VILL: variants seen among roughly 807,000 people sequenced by gnomAD.
The protein encoded by VILL is villin-like protein.
A neutral mutation model predicts 106.3 loss-of-function variants in VILL; 102 were observed. That is an observed-to-expected ratio of 0.96 (90% confidence interval 0.82 to 1.13). VILL has a LOEUF of 1.13. VILL is among the 50% of genes most tolerant of loss of function. The pLI is 0.00. For synonymous variants in VILL, 431 were observed against 440.3 expected (o/e 0.98, Z 0.27); for missense variants, 1,076 against 1,116.6 (o/e 0.96, Z 0.52).
In VILL at chr3:37,994,417, C is replaced by G; in HGVS notation, c.292C>G (p.Gln98Glu). The stretch of plus-strand genomic sequence containing the variant: ...CCAGACCGTGCTGCACCGCGAGGCG[C>G]AGGGCCACGAGTCCGACTGCTTCTG... The part of the protein sequence containing the change: ...GGQTVLHREA[Q>E]GHESDCFCSY... The change falls in exon 4 of 20, where the codon CAG (glutamine) becomes GAG (glutamate). Residue 98 changes from glutamine to glutamate, a missense_variant. Gln to Glu is a conservative substitution (Grantham distance 29). Coordinates refer to ENST00000383759, the MANE Select transcript of VILL (RefSeq NM_015873.4). The G allele has an allele frequency of 1.9e-6, 3 of 1,612,678 alleles. 1 individual carries two copies. Among genetic ancestry groups the G allele is most frequent in the South Asian group, 2.2e-5 (2 of 91,064 alleles).
chr3:38,005,642 T>TG (rs1699903000), intron 16 of VILL, 150 bp from the exon 17 acceptor site: 1 of 750,654 alleles, frequency 1.3e-6, no homozygotes. Flanking sequence ...CACGGGTGTG[T>TG]GGGTACAGCC....
intron 14 of VILL, chr3:38,002,781 G>A: frequency 1.6e-6 from 1 of 635,876 alleles, no homozygotes; most frequent in South Asian, 2.2e-5. Context: ...CCGCAGGTCA[G>A]AGCCAGGCCC....
rs773491575 is a variant in VILL at position 37,993,886 on chromosome 3, C to A, written c.61-12C>A. ...GCCTCCTGAGTTGTTACAGGGAACTCTCCTCTCCCAGAACCGGAAGATGGT... is the reference window on the plus strand; with the variant it reads ...GCCTCCTGAGTTGTTACAGGGAACTATCCTCTCCCAGAACCGGAAGATGGT... On this transcript the variant is annotated splice_polypyrimidine_tract_variant and intron_variant, in intron 2 of 19. Transcript: ENST00000383759. 91 of 1,614,070 alleles carry A rather than the reference C, an allele frequency of 5.6e-5. No individual in the cohort carries two copies. Among genetic ancestry groups the A allele is most frequent in the Non-Finnish European group, 7.5e-5 (88 of 1,180,030 alleles).
At chr3:38,004,436 G>T (rs375181376) in intron 16 of VILL, 37 bp downstream of exon 16, 3 of 1,589,750 alleles carry the variant, frequency 1.9e-6, no homozygotes, top group Non-Finnish European at 2.6e-6. Context: ...GGCTGTGAAC[G>T]GGGGTGTGTT....
At position 37,993,716 on chromosome 3, in the gene VILL, A is replaced by G; in HGVS notation, c.44A>G (p.His15Arg). The G allele has an allele frequency of 6.2e-7, 1 of 1,614,132 alleles. No homozygotes were observed. The highest frequency in any genetic ancestry group is 8.5e-7 in the Non-Finnish European group (1 of 1,179,990). Residue 15 changes from histidine (H) to arginine (R), a missense_variant, in exon 2 of 20, where the codon CAC becomes CGC. Physicochemically the swap from His to Arg is conservative, Grantham distance 29. Coordinates refer to ENST00000383759, the MANE Select transcript of VILL (RefSeq NM_015873.4). ...CTCCCAGGCATGCAGGGAGGCCTCC[A>G]CATATGGATCTCTGAGGTGAGAGGC... ...KGLPGMQGGL[H>R]IWISENRKMV...
chr3:38,001,896 C>T (rs1278008940), intron 13 of VILL, 36 bp downstream of exon 13: 5 of 1,613,792 alleles, frequency 3.1e-6, no homozygotes, highest in Non-Finnish European at 4.2e-6. Context: ...CACAGCCTGC[C>T]CAGTTCTGCA....
intron 14 of VILL, 114 bp downstream of exon 14, chr3:38,002,689 G>A: frequency 2.4e-6 from 3 of 1,236,950 alleles, no homozygotes; most frequent in East Asian, 4.8e-5. Flanking sequence ...TAGGCCGATG[G>A]GGGGAATGGG....
chr3:37,995,594 C>T, intron 4 of VILL, 145 bp from the exon 5 acceptor site: 9 of 632,710 alleles, frequency 1.4e-5, no homozygotes, highest in South Asian at 1.4e-4. Flanking sequence ...TGTACTTATA[C>T]ATACATGTGT....
rs1482614764 is a variant in VILL, at chr3:38,006,711, C to A, written c.2457+11C>A. ...CCTGCCCGCAGGGAGGTGGGCACCC[C>A]CTCACTGCCCCAGCACTAGTGCATC... On this transcript the variant is annotated intron_variant, in intron 19 of 19. Transcript: ENST00000383759. 1 of 1,593,106 alleles carries A rather than the reference C, an allele frequency of 6.3e-7. No individual in the cohort carries two copies. Among genetic ancestry groups the A allele is most frequent in the African/African-American group, 1.3e-5 (1 of 74,732 alleles).
At chr3:38,001,395 G>A (rs1699813073) in intron 11 of VILL, 61 bp from the exon 12 acceptor site, 12 of 1,598,186 alleles carry the variant, frequency 7.5e-6, no homozygotes, top group Non-Finnish European at 8.5e-6. Context: ...GTTGGGTACA[G>A]GATGGGTGGG....
intron 16 of VILL, among the ~76,000 whole-genome samples, chr3:38,005,192 C>T (rs1054745534): frequency 2.0e-5 from 3 of 152,038 alleles, no homozygotes; most frequent in Non-Finnish European, 4.4e-5. Context: ...GCTGTGTGCT[C>T]CCATCTACTC....
Position 38,004,354 on chromosome 3 carries a change from G to C in VILL, c.1905G>C (p.Glu635Asp). Residue 635 changes from glutamate to aspartate, a missense_variant, in exon 16 of 20, where the codon GAG becomes GAC. Coordinates refer to ENST00000383759, the MANE Select transcript of VILL (RefSeq NM_015873.4). ...CAGAAGTGGGGTTCTTCAGCCAGGA[G>C]GACCTGGACAAGTATGACATCATGT... is the stretch of plus-strand genomic sequence containing the variant. The part of the protein sequence containing the change: ...VLAEVGFFSQ[E>D]DLDKYDIMLL... The C allele has an allele frequency of 6.2e-7, 1 of 1,613,722 alleles. No homozygotes were observed. Among genetic ancestry groups the C allele is most frequent in the Non-Finnish European group, 8.5e-7 (1 of 1,179,584 alleles).
At chr3:37,990,081 C>T (rs933010265), upstream of VILL, among the ~76,000 whole-genome samples, 4 of 152,184 alleles carry the variant, frequency 2.6e-5, no homozygotes, top group African/African-American at 4.8e-5. This position sits in a 1 kb window ranked among gnomAD's most constrained non-coding sequence, Gnocchi z 5.1. Flanking sequence ...GGCCCTAAGC[C>T]GCCAAGAGGA....
At position 38,003,288 on chromosome 3, in the gene VILL, C is replaced by T. The variant is rs369796082; in HGVS notation, c.1780C>T (p.Arg594Trp). ...PPHFWEALGG[R>W]APYPSNKRLP... Reference sequence around the variant, plus strand: ...CCACTTCTGGGAGGCCCTGGGAGGCCGGGCCCCCTACCCCAGCAACAAGAG... The same window carrying T: ...CCACTTCTGGGAGGCCCTGGGAGGCTGGGCCCCCTACCCCAGCAACAAGAG... Residue 594 changes from arginine to tryptophan, a missense_variant, in exon 15 of 20, where the codon CGG becomes TGG. Arg to Trp is a moderately radical substitution (Grantham distance 101). Transcript: ENST00000383759. 9.9e-6 allele frequency: 16 copies of T among 1,611,956 alleles called. No homozygotes were observed. Among genetic ancestry groups the T allele is most frequent in the African/African-American group, 6.7e-5 (5 of 74,872 alleles).
At chr3:38,003,062 TG>T in intron 14 of VILL, 105 bp from the exon 15 acceptor site, 1 of 1,421,968 alleles carries the variant, frequency 7.0e-7, no homozygotes, top group Admixed American at 2.5e-5. Flanking sequence ...TTAGGCCTCC[TG>T]TGACTTGGGC....
At chr3:38,001,198 G>A in intron 11 of VILL, 2 of 582,438 alleles carry the variant, frequency 3.4e-6, no homozygotes, top group South Asian at 2.0e-5. Context: ...TGGGACTAGG[G>A]CTGGGCATGT....
rs775157416 is a variant in VILL at position 38,000,523 on chromosome 3, CA to C, written c.1183-932del. Among the ~76,000 whole-genome samples the C allele has an allele frequency of 9.9e-4, 151 of 152,058 alleles. 2 individuals carry two copies. Among genetic ancestry groups the C allele is most frequent in the Middle Eastern group, 3.4e-3 (1 of 294 alleles). The stretch of plus-strand genomic sequence containing the variant: ...ACACAGAGAGAGACAGAGAGCCAGA[CA>C]GTGGGAGAGGGAGACAGGAAAGCAG... On this transcript the variant is annotated intron_variant, in intron 11 of 19. Coordinates refer to ENST00000383759, the MANE Select transcript of VILL (RefSeq NM_015873.4).
At position 38,001,512 on chromosome 3, in the gene VILL, G is replaced by A. The variant is rs1387379071; in HGVS notation, c.1239G>A (p.Gln413=). The change falls in exon 12 of 20, where the codon CAG becomes CAA. Residue 413 remains glutamine (Q), a synonymous_variant. Coordinates refer to ENST00000383759, the MANE Select transcript of VILL (RefSeq NM_015873.4). The part of the protein sequence containing the change: ...RQPVDPKRHG[Q]LCAGNCYLVL... The stretch of plus-strand genomic sequence containing the variant: ...CCGTGGACCCCAAGCGTCATGGACA[G>A]CTGTGTGCAGGCAACTGCTACCTTG... 2.5e-6 allele frequency: 4 copies of A among 1,614,236 alleles called. No individual in the cohort carries two copies. The highest frequency in any genetic ancestry group is 2.5e-6 in the Non-Finnish European group (3 of 1,180,020).
intron 5 of VILL, 90 bp downstream of exon 5, chr3:37,995,937 G>T: frequency 9.5e-7 from 1 of 1,054,136 alleles, no homozygotes; most frequent in Non-Finnish European, 1.4e-6. Flanking sequence ...GGCTGGGGTT[G>T]TGGGGAACAA....
Sources: allele counts gnomAD v4.1 joint callset (sites outside exome capture counted in the v4.1 genomes callset), GRCh38; gene constraint gnomAD v4.1.1; non-coding constraint Gnocchi (gnomAD v3.1); transcripts MANE v1.5; gene names NCBI Gene and HGNC (gene_info 2026-07-23, HGNC 2026-07-21).